The following GFOD1 variants were observed in gnomAD, a reference collection of about 807,000 sequenced individuals.
GFOD1 encodes Gfo/Idh/MocA-like oxidoreductase domain containing 1, also known as glucose-fructose oxidoreductase domain-containing protein 1.
A neutral mutation model predicts 25.4 loss-of-function variants in GFOD1; 9 were observed. The ratio of observed to expected loss-of-function variants is 0.35; its 90% CI spans 0.21 to 0.62. The LOEUF (loss-of-function observed/expected upper bound fraction) is 0.62. GFOD1 is among the 20% of genes least tolerant of loss of function. The pLI is 0.72. For synonymous variants in GFOD1, 253 were observed against 245.6 expected (o/e 1.03, Z -0.28); for missense variants, 403 against 556.9 (o/e 0.72, Z 2.78).
Position 13,443,690 on chromosome 6 carries a change from C to G in GFOD1, c.253+42948G>C, listed in dbSNP as rs147745294. On this transcript the variant is annotated intron_variant, in intron 1 of 1. Transcript: ENST00000379287. The stretch of plus-strand genomic sequence containing the variant: ...AATTAGCTGGGCATGGTGGTGGGCA[C>G]CTGTAATCCCAGCTACTCGGGAGGC... Among the ~76,000 whole-genome samples the G allele has an allele frequency of 7.0e-3, 1,061 of 152,024 alleles. 8 individuals carry two copies. Among genetic ancestry groups the G allele is most frequent in the Non-Finnish European group, 0.012 (843 of 67,980 alleles).
In GFOD1 at chr6:13,365,228, C is replaced by T. The variant is rs1429162097; in HGVS notation, c.688G>A (p.Gly230Arg). 6.8e-6 allele frequency: 11 copies of T among 1,614,026 alleles called. No individual in the cohort carries two copies. The highest frequency in any genetic ancestry group is 1.1e-5 in the South Asian group (1 of 91,096). Residue 230 changes from glycine to arginine, a missense_variant, in exon 2 of 2, where the codon GGG becomes AGG. Gly to Arg is a moderately radical substitution (Grantham distance 125). Transcript: ENST00000379287. This position sits in a 1 kb window ranked among gnomAD's most constrained non-coding sequence, Gnocchi z 9.2. ...FCTFQMVLEG[G>R]VCCTVTLNFN... ...TTGAGGGTGACGGTGCAGCACACCCCGCCCTCCAGCACCATCTGGAAGGTG... is the reference window on the plus strand; with the variant it reads ...TTGAGGGTGACGGTGCAGCACACCCTGCCCTCCAGCACCATCTGGAAGGTG...
chr6:13,431,085 T>C (rs575154184), intron 1 of GFOD1, among the ~76,000 whole-genome samples: 1 of 152,338 alleles, frequency 6.6e-6, no homozygotes. Context: ...TAATTTCACA[T>C]TGCTTATTTT....
At chr6:13,476,851 A>G (rs893638618) in intron 1 of GFOD1, among the ~76,000 whole-genome samples, 13 of 152,310 alleles carry the variant, frequency 8.5e-5, no homozygotes, top group Middle Eastern at 3.4e-3. Flanking sequence ...CTAAACCCCA[A>G]GGCATCCCAG....
At chr6:13,465,887 C>G (rs1241586136) in intron 1 of GFOD1, among the ~76,000 whole-genome samples, 2 of 152,228 alleles carry the variant, frequency 1.3e-5, no homozygotes, top group Non-Finnish European at 2.9e-5. Context: ...GGTCATCCAA[C>G]ACCCAGCTGA....
chr6:13,448,706 G>A lies in GFOD1; in HGVS notation c.253+37932C>T. ...GTTTGCAGCAGCTCCTGGGCATACA[G>A]CTAAAGTCAGTGTCTCGCACCACTA... On this transcript the variant is annotated intron_variant, in intron 1 of 1. Transcript: ENST00000379287. Among the ~76,000 whole-genome samples the A allele has an allele frequency of 1.3e-5, 2 of 152,202 alleles. 1 individual carries two copies. The highest frequency in any genetic ancestry group is 4.1e-4 in the South Asian group (2 of 4,826).
intron 1 of GFOD1, among the ~76,000 whole-genome samples, chr6:13,367,980 C>G (rs945489170): frequency 6.6e-6 from 1 of 152,120 alleles, no homozygotes; most frequent in African/African-American, 2.4e-5. Context: ...CACCCTATCC[C>G]ACTTGTCCTG....
intron 1 of GFOD1, among the ~76,000 whole-genome samples, chr6:13,483,327 G>A (rs1260806171): frequency 6.6e-6 from 1 of 152,116 alleles, no homozygotes; most frequent in African/African-American, 2.4e-5. Context: ...CTGGACATGT[G>A]CGCCAACAGG....
chr6:13,402,716 A>G (rs989926639), intron 1 of GFOD1, among the ~76,000 whole-genome samples: 11 of 152,252 alleles, frequency 7.2e-5, no homozygotes, highest in African/African-American at 2.7e-4. Context: ...GGAACCCTCA[A>G]ACATTGCTCG....
chr6:13,432,801 T>C (rs1169337514), intron 1 of GFOD1, among the ~76,000 whole-genome samples: 3 of 152,194 alleles, frequency 2.0e-5, no homozygotes, highest in South Asian at 2.1e-4. Context: ...CCTCCCACCT[T>C]GCTCTGTCTC....
chr6:13,485,961 A>T, intron 1 of GFOD1: 1 of 929,826 alleles, frequency 1.1e-6, no homozygotes, highest in Non-Finnish European at 1.3e-6. Flanking sequence ...CGCCTCTGAA[A>T]ACATTCTAAT....
intron 1 of GFOD1, among the ~76,000 whole-genome samples, chr6:13,425,416 C>A (rs1477885439): frequency 6.6e-6 from 1 of 152,118 alleles, no homozygotes; most frequent in African/African-American, 2.4e-5. Context: ...AGCAGTCTGG[C>A]CCCAGGTGTC....
chr6:13,383,724 G>T (rs1754230098), intron 1 of GFOD1, among the ~76,000 whole-genome samples: 1 of 152,182 alleles, frequency 6.6e-6, no homozygotes, highest in Non-Finnish European at 1.5e-5. Flanking sequence ...AAATGAAACT[G>T]AAGCTTAACC....
intron 1 of GFOD1, among the ~76,000 whole-genome samples, chr6:13,484,699 A>C (rs748985817): frequency 3.9e-5 from 6 of 152,216 alleles, no homozygotes; most frequent in Admixed American, 6.5e-5. Context: ...AATTTGTGTC[A>C]CATCTCTTGA....
chr6:13,374,881 T>C (rs1437954091), intron 1 of GFOD1, among the ~76,000 whole-genome samples: 2 of 151,984 alleles, frequency 1.3e-5, no homozygotes, highest in Non-Finnish European at 2.9e-5. Context: ...TAGCTGGGAT[T>C]ATAGGCATGT....
At chr6:13,418,339 C>T (rs777456453) in intron 1 of GFOD1, among the ~76,000 whole-genome samples, 1 of 152,176 alleles carries the variant, frequency 6.6e-6, no homozygotes, top group Admixed American at 6.5e-5. Context: ...AATTACCCTC[C>T]GGAGCTGCAA....
At position 13,376,688 on chromosome 6, in the gene GFOD1, C is replaced by T. The variant is rs996868888; in HGVS notation, c.254-11026G>A. Among the ~76,000 whole-genome samples the T allele has an allele frequency of 2.6e-5, 4 of 152,176 alleles. No individual in the cohort carries two copies. The East Asian group carries it at 7.7e-4, about 29-fold the overall frequency. On this transcript the variant is annotated intron_variant, in intron 1 of 1. Coordinates refer to ENST00000379287, the MANE Select transcript of GFOD1 (RefSeq NM_018988.4). ...ACCCACCCACCTAAGAGGATGGAGG[C>T]CTAGAATGGCGGTCAGCCTGGCTGT...
chr6:13,390,773 GAGAGAGAAA>G (rs1348090048), intron 1 of GFOD1, among the ~76,000 whole-genome samples: 4,253 of 92,008 alleles, frequency 0.046, 275 homozygotes, highest in African/African-American at 0.16. Context: ...GAGAGAGAGA[GAGAGAGAAA>G]GGAAGGAAGG....
chr6:13,394,913 G>T (rs1005295999), intron 1 of GFOD1, among the ~76,000 whole-genome samples: 2 of 151,872 alleles, frequency 1.3e-5, no homozygotes, highest in Non-Finnish European at 2.9e-5. Context: ...GATTACAGGC[G>T]TGAGCCACCA....
intron 1 of GFOD1, among the ~76,000 whole-genome samples, chr6:13,396,169 G>A (rs1292924507): frequency 1.3e-5 from 2 of 152,192 alleles, no homozygotes; most frequent in African/African-American, 4.8e-5. Context: ...ATCCTCCAAA[G>A]AATTATAGCC....
Sources: allele counts gnomAD v4.1 joint callset (sites outside exome capture counted in the v4.1 genomes callset), GRCh38; gene constraint gnomAD v4.1.1; non-coding constraint Gnocchi (gnomAD v3.1); transcripts MANE v1.5; gene names NCBI Gene and HGNC (gene_info 2026-07-23, HGNC 2026-07-21).